TTLL11: variants seen among roughly 807,000 people sequenced by gnomAD.
The protein encoded by TTLL11 is tubulin polyglutamylase TTLL11.
Under a neutral mutation model 51.7 loss-of-function variants are expected in TTLL11, and 42 were observed. That is an observed-to-expected ratio of 0.81 (90% CI 0.64 to 1.05). TTLL11 has a LOEUF of 1.05. TTLL11 is among the 50% of genes least tolerant of loss of function. TTLL11 has a pLI of 0.00. For synonymous variants in TTLL11, 381 were observed against 383.5 expected (o/e 0.99, Z 0.08); for missense variants, 799 against 940.4 (o/e 0.85, Z 1.97).
At chr9:121,933,716 A>AT (rs139135220) in intron 6 of TTLL11, among the ~76,000 whole-genome samples, 11,535 of 152,172 alleles carry the variant, frequency 0.076, 653 homozygotes, top group African/African-American at 0.16. Context: ...AGAACATTAC[A>AT]TTTTTTGCAA....
intron 1 of TTLL11, among the ~76,000 whole-genome samples, chr9:122,052,210 G>A (rs1012422929): frequency 1.3e-5 from 2 of 152,170 alleles, no homozygotes; most frequent in Non-Finnish European, 2.9e-5. Flanking sequence ...CTGCCTTGCT[G>A]CTCACATCTC....
At chr9:122,003,136 G>A (rs912895263) in intron 3 of TTLL11, among the ~76,000 whole-genome samples, 1 of 152,018 alleles carries the variant, frequency 6.6e-6, no homozygotes, top group African/African-American at 2.4e-5. Flanking sequence ...AACAGCCACA[G>A]AAGAAATATG....
chr9:121,934,503 T>C (rs1841120255), intron 6 of TTLL11, among the ~76,000 whole-genome samples: 1 of 152,218 alleles, frequency 6.6e-6, no homozygotes, highest in African/African-American at 2.4e-5. Context: ...GAGATTCCAG[T>C]TTTTGCTTAA....
intron 6 of TTLL11, among the ~76,000 whole-genome samples, chr9:121,903,951 G>C (rs984400143): frequency 9.2e-5 from 14 of 152,164 alleles, no homozygotes; most frequent in Non-Finnish European, 1.8e-4. Context: ...GGGTTTTCCA[G>C]CTCAGCTCAG....
chr9:121,944,696 G>C (rs1234869683), intron 6 of TTLL11, among the ~76,000 whole-genome samples: 3 of 152,148 alleles, frequency 2.0e-5, no homozygotes, highest in Non-Finnish European at 4.4e-5. Flanking sequence ...CAATAAGCAA[G>C]TGACAGTGAA....
At chr9:121,974,490 A>AG (rs1218456890) in intron 5 of TTLL11, among the ~76,000 whole-genome samples, 1 of 151,610 alleles carries the variant, frequency 6.6e-6, no homozygotes, top group African/African-American at 2.4e-5. Flanking sequence ...TTTTTGGGGG[A>AG]GGGGGAGAAA....
At chr9:122,086,189 T>C (rs1270423465) in intron 1 of TTLL11, among the ~76,000 whole-genome samples, 2 of 152,254 alleles carry the variant, frequency 1.3e-5, no homozygotes, top group Non-Finnish European at 2.9e-5. Flanking sequence ...ATAGGAGTTA[T>C]AGAGCTTGAA....
chr9:121,863,834 C>T (rs1301797658), intron 7 of TTLL11, among the ~76,000 whole-genome samples: 1 of 152,162 alleles, frequency 6.6e-6, no homozygotes, highest in Admixed American at 6.5e-5. Context: ...ACGTGACTTG[C>T]CCAACGTCAC....
chr9:121,849,148 A>G (rs978056526), intron 8 of TTLL11, among the ~76,000 whole-genome samples: 19 of 152,236 alleles, frequency 1.2e-4, no homozygotes, highest in African/African-American at 4.3e-4. Context: ...CAATGTAGAG[A>G]GGTTAGTCTT....
At chr9:122,090,504 C>T (rs949539073) in intron 1 of TTLL11, among the ~76,000 whole-genome samples, 14 of 152,164 alleles carry the variant, frequency 9.2e-5, no homozygotes, top group African/African-American at 2.7e-4. Context: ...AAGTCCATGA[C>T]CCTAAATAAC....
rs184711950 is a variant in TTLL11 at position 121,909,747 on chromosome 9, T to C, written c.1482-38999A>G. 2.2e-4 allele frequency among the ~76,000 whole-genome samples: 34 copies of C among 152,232 alleles called. No homozygotes were observed. The East Asian group carries it at 4.4e-3, about 20-fold the overall frequency. On this transcript the variant is annotated intron_variant, in intron 6 of 8. Coordinates refer to ENST00000321582, the MANE Select transcript of TTLL11 (RefSeq NM_001139442.2). ...CACTCAGTGCAAGGCAAGCTTAAAG[T>C]GAGGGCCGGGCACTCAGCTCCCGCA...
Position 122,062,423 on chromosome 9 carries a change from T to C in TTLL11, c.463-23055A>G, listed in dbSNP as rs529996564. On this transcript the variant is annotated intron_variant, in intron 1 of 8. Coordinates refer to ENST00000321582, the MANE Select transcript of TTLL11 (RefSeq NM_001139442.2). The stretch of plus-strand genomic sequence containing the variant: ...ACCAGAGAGCTCCAAACCAAATCTG[T>C]ATCCCATTATAAGAACTGTGCAAGA... 8.9e-4 allele frequency among the ~76,000 whole-genome samples: 135 copies of C among 151,252 alleles called. 1 individual carries two copies. The highest frequency in any genetic ancestry group is 3.5e-3 in the Middle Eastern group (1 of 286).
At chr9:122,067,627 C>T (rs1588253562) in intron 1 of TTLL11, among the ~76,000 whole-genome samples, 1 of 152,146 alleles carries the variant, frequency 6.6e-6, no homozygotes, top group South Asian at 2.1e-4. Flanking sequence ...CTCAGTCTCC[C>T]GGGTAGCTGG....
At chr9:122,065,627 C>T (rs911024406) in intron 1 of TTLL11, among the ~76,000 whole-genome samples, 7 of 152,120 alleles carry the variant, frequency 4.6e-5, no homozygotes, top group Admixed American at 2.6e-4. Context: ...TCCAAACAAC[C>T]CGGGTTCAAA....
chr9:121,830,965 C>T (rs1836985425), intron 8 of TTLL11, among the ~76,000 whole-genome samples: 2 of 152,162 alleles, frequency 1.3e-5, no homozygotes, highest in Admixed American at 1.3e-4. Context: ...CTGCACCAGT[C>T]CAAGTGAGAG....
chr9:121,904,659 T>G (rs1294887263), intron 6 of TTLL11, among the ~76,000 whole-genome samples: 1 of 152,198 alleles, frequency 6.6e-6, no homozygotes, highest in Non-Finnish European at 1.5e-5. Context: ...ACCGACCCCA[T>G]CCTCATGGAG....
chr9:121,883,763 G>A (rs899994017), intron 6 of TTLL11, among the ~76,000 whole-genome samples: 2 of 152,260 alleles, frequency 1.3e-5, no homozygotes, highest in South Asian at 4.2e-4. Context: ...AGTTATCAAG[G>A]TACATTTTTT....
At chr9:122,051,911 G>T (rs1266069194) in intron 1 of TTLL11, among the ~76,000 whole-genome samples, 1 of 151,888 alleles carries the variant, frequency 6.6e-6, no homozygotes, top group Non-Finnish European at 1.5e-5. Flanking sequence ...AAATTAGAAA[G>T]AACCCAAAAC....
intron 1 of TTLL11, among the ~76,000 whole-genome samples, chr9:122,068,821 C>T (rs190927769): frequency 7.2e-5 from 11 of 152,296 alleles, no homozygotes; most frequent in African/African-American, 2.2e-4. Flanking sequence ...GCCTGAGTTC[C>T]AGCCAGTGGG....
Sources: gnomAD v4.1 joint callset for allele counts (sites outside exome capture counted in the v4.1 genomes callset) on GRCh38, gnomAD v4.1.1 for gene constraint, MANE v1.5 for transcripts, NCBI Gene and HGNC (gene_info 2026-07-23, HGNC 2026-07-21) for gene names.